The following ABHD5 variants were observed in gnomAD, a reference collection of about 807,000 sequenced individuals.
The protein encoded by ABHD5 is 1-acylglycerol-3-phosphate O-acyltransferase ABHD5.
Under a neutral mutation model 44.9 loss-of-function variants are expected in ABHD5, and 30 were observed. The ratio of observed to expected loss-of-function variants is 0.67; its 90% CI spans 0.50 to 0.91. The LOEUF (loss-of-function observed/expected upper bound fraction) is 0.91, where lower values mean the gene tolerates loss of function less well. Ranked by LOEUF, ABHD5 falls within the 40% of genes least tolerant of loss-of-function variation. The probability of loss-of-function intolerance (pLI) is 0.00; values close to 1 mark genes in which losing one functional copy is unlikely to be tolerated. For missense variants in ABHD5, 399 were observed against 423.4 expected (o/e 0.94, Z 0.50); for synonymous variants, 167 against 147.0 (o/e 1.14, Z -0.99).
At chr3:43,710,628 C>T (rs1466676787) in intron 3 of ABHD5, among the ~76,000 whole-genome samples, 1 of 152,178 alleles carries the variant, frequency 6.6e-6, no homozygotes, top group Non-Finnish European at 1.5e-5. Context: ...CTAACTTATT[C>T]TTATGCATGC....
chr3:43,723,345 A>G (rs1461662797), downstream of ABHD5, among the ~76,000 whole-genome samples: 1 of 152,202 alleles, frequency 6.6e-6, no homozygotes, highest in African/African-American at 2.4e-5. Context: ...TAAGAATCAT[A>G]GGTAAATATG....
chr3:43,715,079 T>C, intron 5 of ABHD5, 21 bp downstream of exon 5: 1 of 1,309,842 alleles, frequency 7.6e-7, no homozygotes, highest in Non-Finnish European at 1.1e-6. Flanking sequence ...GGATTCTCAA[T>C]TCACTCTGTG....
At chr3:43,702,947 TA>T (rs2149596486) in intron 3 of ABHD5, among the ~76,000 whole-genome samples, 1 of 152,304 alleles carries the variant, frequency 6.6e-6, no homozygotes, top group South Asian at 2.1e-4. Flanking sequence ...TAGTAAGCTG[TA>T]AGGGGAAACC....
At chr3:43,691,231 T>G in intron 1 of ABHD5, 192 bp downstream of exon 1, 1 of 471,042 alleles carries the variant, frequency 2.1e-6, no homozygotes, top group Non-Finnish European at 3.4e-6. Context: ...TGGGAGAGGC[T>G]CCCCTCAGCG....
intron 5 of ABHD5, among the ~76,000 whole-genome samples, chr3:43,716,439 C>T (rs181520982): frequency 5.5e-4 from 84 of 152,244 alleles, no homozygotes; most frequent in African/African-American, 1.7e-3. Flanking sequence ...GGCTAAGAGG[C>T]GAGATGCAGA....
chr3:43,711,793 G>T lies in ABHD5; in HGVS notation c.591G>T (p.Trp197Cys). Residue 197 changes from tryptophan to cysteine, a missense_variant, in exon 4 of 7, where the codon TGG becomes TGT. Coordinates refer to ENST00000644371, the MANE Select transcript of ABHD5 (RefSeq NM_016006.6). ...LADQDRPIPV[W>C]IRALGAALTP... is the part of the protein sequence containing the mutation. Reference sequence around the variant, plus strand: ...ATCAAGACAGACCAATTCCAGTTTGGATCAGAGCCTTGGGAGCAGCATTGA... The same window carrying T: ...ATCAAGACAGACCAATTCCAGTTTGTATCAGAGCCTTGGGAGCAGCATTGA... 6.2e-7 allele frequency: 1 copy of T among 1,614,200 alleles called. No homozygotes were observed. The highest frequency in any genetic ancestry group is 8.5e-7 in the Non-Finnish European group (1 of 1,180,038).
intron 7 of ABHD5, among the ~76,000 whole-genome samples, chr3:43,728,462 C>G (rs1296195490): frequency 6.6e-6 from 1 of 152,152 alleles, no homozygotes; most frequent in Non-Finnish European, 1.5e-5. Context: ...CTAAAGCTAA[C>G]CCATAAATAA....
chr3:43,693,057 A>C (rs1269174767), intron 1 of ABHD5, among the ~76,000 whole-genome samples: 2 of 152,218 alleles, frequency 1.3e-5, no homozygotes, highest in Non-Finnish European at 2.9e-5. Flanking sequence ...GTTGCAATAC[A>C]GTTGAGAAAG....
In ABHD5 at chr3:43,722,323, A is replaced by C. The variant is rs939323337; in HGVS notation, c.*3791A>C. On this transcript the variant is annotated 3_prime_UTR_variant, in exon 7 of 7. Transcript: ENST00000644371. ...CAGAATATAGGAAATGAAAAATGTAAAGCACAGAAGAGAATGTATGGTGTG... is the reference window on the plus strand; with the variant it reads ...CAGAATATAGGAAATGAAAAATGTACAGCACAGAAGAGAATGTATGGTGTG... 4.6e-5 allele frequency: 7 copies of C among 152,240 alleles called. No homozygotes were observed. Among genetic ancestry groups the C allele is most frequent in the African/African-American group, 1.7e-4 (7 of 41,458 alleles). The allele number at this position is 152,240 out of a possible 1,614,324, so 9.4% of individuals were successfully genotyped here. A position where few individuals can be genotyped will look rare whatever the true frequency, so the allele number is the denominator to read the frequency against.
At chr3:43,709,207 G>A (rs2149600834) in intron 3 of ABHD5, among the ~76,000 whole-genome samples, 1 of 152,350 alleles carries the variant, frequency 6.6e-6, no homozygotes, top group South Asian at 2.1e-4. Flanking sequence ...AGGTTATGAA[G>A]ACATAGAATT....
upstream of ABHD5, chr3:43,690,931 G>C (rs1256171957): frequency 6.6e-7 from 1 of 1,523,324 alleles, no homozygotes; most frequent in Admixed American, 2.0e-5. Flanking sequence ...CCAGCCCGGG[G>C]CGGCCCAGTC....
Position 43,714,998 on chromosome 3 carries a change from C to A in ABHD5, c.713C>A (p.Ser238Ter). The change falls in exon 5 of 7, where the codon TCA becomes TAA. Residue 238 changes from serine to a stop codon, truncating the protein, a stop_gained. Transcript: ENST00000644371. LOFTEE classifies it high-confidence loss of function. ...LRPDFKRKYSSMFEDDTVTEY... is the reference protein window; with the variant it reads ...LRPDFKRKYS ...CCTGATTTCAAACGAAAGTATTCTT[C>A]AATGTTCGAAGACGATACTGTGACA... 6.2e-7 allele frequency: 1 copy of A among 1,613,182 alleles called. No individual in the cohort carries two copies. Among genetic ancestry groups the A allele is most frequent in the East Asian group, 2.2e-5 (1 of 44,790 alleles).
chr3:43,724,226 C>T (rs748562502), downstream of ABHD5, among the ~76,000 whole-genome samples: 2 of 152,016 alleles, frequency 1.3e-5, no homozygotes, highest in African/African-American at 2.4e-5. Context: ...ATAAAGAAAG[C>T]AGAAAGTGGG....
intron 7 of ABHD5, among the ~76,000 whole-genome samples, chr3:43,732,917 C>T (rs1559425177): frequency 6.6e-6 from 1 of 152,176 alleles, no homozygotes; most frequent in Non-Finnish European, 1.5e-5. Context: ...TTCCCTCCAG[C>T]TGATGGATTG....
At chr3:43,699,545 A>G in intron 2 of ABHD5, 184 bp downstream of exon 2, 1 of 631,094 alleles carries the variant, frequency 1.6e-6, no homozygotes, top group Non-Finnish European at 2.8e-6. Flanking sequence ...TAGGAGTTCT[A>G]AAACTTTTTG....
At chr3:43,711,020 TG>T (rs1038587195) in intron 3 of ABHD5, among the ~76,000 whole-genome samples, 1 of 152,178 alleles carries the variant, frequency 6.6e-6, no homozygotes, top group Non-Finnish European at 1.5e-5. Context: ...TCTTGGTCAA[TG>T]AAAAAGAAAA....
chr3:43,725,550 G>A (rs9784273), downstream of ABHD5, among the ~76,000 whole-genome samples: 13,049 of 152,234 alleles, frequency 0.086, 774 homozygotes, highest in South Asian at 0.21. Context: ...TTAAAGATTA[G>A]AAGGTTTCCA....
At chr3:43,702,948 A>G (rs1272007419) in intron 3 of ABHD5, among the ~76,000 whole-genome samples, 1 of 152,184 alleles carries the variant, frequency 6.6e-6, no homozygotes, top group African/African-American at 2.4e-5. Flanking sequence ...AGTAAGCTGT[A>G]AGGGGAAACC....
chr3:43,716,996 C>G (rs1475247837), intron 5 of ABHD5, among the ~76,000 whole-genome samples: 1 of 152,098 alleles, frequency 6.6e-6, no homozygotes, highest in African/African-American at 2.4e-5. Flanking sequence ...CATGGTGAAA[C>G]CCCGTCTCTA....
Sources: gnomAD v4.1 joint callset for allele counts (sites outside exome capture counted in the v4.1 genomes callset) on GRCh38, gnomAD v4.1.1 for gene constraint, MANE v1.5 for transcripts, NCBI Gene and HGNC (gene_info 2026-07-23, HGNC 2026-07-21) for gene names.